Variants in ATP8B2 observed in about 807,000 individuals in gnomAD.
ATP8B2 encodes phospholipid-transporting ATPase ID.
In ATP8B2, 70 loss-of-function variants were observed where a neutral mutation model predicts 133.4. That is an observed-to-expected ratio of 0.52 (90% CI 0.43 to 0.64). ATP8B2 has a LOEUF of 0.64. Ranked by LOEUF, ATP8B2 falls within the 30% of genes least tolerant of loss-of-function variation. The probability of loss-of-function intolerance (pLI) is 0.00; values close to 1 mark genes in which losing one functional copy is unlikely to be tolerated. For missense variants in ATP8B2, 1,101 were observed against 1,535.7 expected (o/e 0.72, Z 4.73); for synonymous variants, 517 against 589.5 (o/e 0.88, Z 1.78).
Position 154,331,162 on chromosome 1 carries a change from T to G in ATP8B2, c.303+16T>G. On this transcript the variant is annotated intron_variant, in intron 5 of 27. Coordinates refer to ENST00000368489, the MANE Select transcript of ATP8B2 (RefSeq NM_001370597.1). The surrounding 1 kb of genome is among the most constrained non-coding windows in gnomAD (Gnocchi z 4.8). ...TGATGACTATGTGAGTGGTTTTCAT[T>G]CTTCTATTTTGTCCCAGTCACCCAC... 1 of 1,608,300 alleles carries G rather than the reference T, an allele frequency of 6.2e-7. No individual in the cohort carries two copies. The highest frequency in any genetic ancestry group is 8.5e-7 in the Non-Finnish European group (1 of 1,175,042).
chr1:154,328,165 C>T lies in ATP8B2; in HGVS notation c.24C>T (p.Arg8=). 2 of 1,613,678 alleles carry T rather than the reference C, an allele frequency of 1.2e-6. No homozygotes were observed. Among genetic ancestry groups the T allele is most frequent in the Non-Finnish European group, 1.7e-6 (2 of 1,179,748 alleles). The change falls in exon 2 of 28, where the codon CGC becomes CGT. Residue 8 remains arginine (R), a synonymous_variant. Coordinates refer to ENST00000368489, the MANE Select transcript of ATP8B2 (RefSeq NM_001370597.1). The surrounding 1 kb of genome is among the most constrained non-coding windows in gnomAD (Gnocchi z 4.6). ...AGATGGCAGTGTGTGCAAAAAAGCG[C>T]CCCCCAGGTAAGACAGGCAAGGAGG... is the stretch of plus-strand genomic sequence containing the variant. MAVCAKK[R]PPEEERRARA...
rs776026794 is a variant in ATP8B2, at chr1:154,343,408, C to T, written c.1643-45C>T. On this transcript the variant is annotated intron_variant, in intron 16 of 27. Transcript: ENST00000368489. The surrounding 1 kb of genome is among the most constrained non-coding windows in gnomAD (Gnocchi z 5.8). ...ATGTGTTTATGTTGGGGGTCTTTGC[C>T]TGTCTGAATTTTTCTGGCACTTTCT... 1 of 1,608,480 alleles carries T rather than the reference C, an allele frequency of 6.2e-7. No individual in the cohort carries two copies. The highest frequency in any genetic ancestry group is 1.1e-5 in the South Asian group (1 of 90,884).
intron 2 of ATP8B2, chr1:154,329,211 TC>T: frequency 1.2e-6 from 1 of 838,616 alleles, no homozygotes; most frequent in Non-Finnish European, 1.6e-6. Context: ...CTCCGAAGGA[TC>T]CAGTCCCTAC....
At position 154,340,963 on chromosome 1, in the gene ATP8B2, G is replaced by T; in HGVS notation, c.1144G>T (p.Glu382Ter). The T allele has an allele frequency of 6.2e-7, 1 of 1,614,196 alleles. No individual in the cohort carries two copies. The highest frequency in any genetic ancestry group is 1.1e-5 in the South Asian group (1 of 91,078). Residue 382 changes from glutamate (E) to a stop codon, truncating the protein, a stop_gained, in exon 13 of 28, where the codon GAG (glutamate) becomes TAG (stop). Transcript: ENST00000368489. LOFTEE classifies it high-confidence loss of function. This position sits in a 1 kb window ranked among gnomAD's most constrained non-coding sequence, Gnocchi z 4.0. ...AGCCCGCACCACCACCCTAAACGAG[G>T]AGCTGGGCCAGGTGGAGTACATCTT... is the stretch of plus-strand genomic sequence containing the variant. ...AEARTTTLNE[E>*]LGQVEYIFSD...
chr1:154,333,052 G>A (rs1427692527), intron 9 of ATP8B2, among the ~76,000 whole-genome samples: 2 of 152,134 alleles, frequency 1.3e-5, no homozygotes, highest in East Asian at 1.9e-4. Flanking sequence ...GCTCACGCCT[G>A]TAATCCCAGC....
At chr1:154,327,727 G>A in intron 1 of ATP8B2, 2 of 1,486,430 alleles carry the variant, frequency 1.3e-6, no homozygotes, top group Non-Finnish European at 9.4e-7. Flanking sequence ...ACCCTTTGGG[G>A]AAACTGCTTT....
chr1:154,345,372 T>C lies in ATP8B2; in HGVS notation c.2521T>C (p.Leu841=). ...TGGGCAGGAAGGGATCCAGGCTGTC[T>C]TGGCCTCCGATTACTCCTTCTCCCA... ...ISGQEGIQAV[L]ASDYSFSQFK... Residue 841 remains leucine (L), a synonymous_variant, in exon 23 of 28, where the codon TTG becomes CTG. Coordinates refer to ENST00000368489, the MANE Select transcript of ATP8B2 (RefSeq NM_001370597.1). The surrounding 1 kb of genome is among the most constrained non-coding windows in gnomAD (Gnocchi z 5.6). 1.9e-6 allele frequency: 3 copies of C among 1,614,224 alleles called. No homozygotes were observed. The highest frequency in any genetic ancestry group is 1.7e-6 in the Non-Finnish European group (2 of 1,180,034).
chr1:154,328,411 A>T lies in ATP8B2; in HGVS notation c.31+239A>T, dbSNP rs1685862439. 6.6e-6 allele frequency among the ~76,000 whole-genome samples: 1 copy of T among 152,164 alleles called. No individual in the cohort carries two copies. Among genetic ancestry groups the T allele is most frequent in the Non-Finnish European group, 1.5e-5 (1 of 68,026 alleles). ...CACGCCCCGAAACACCTGCAGTCTTATCTTCGGGCACCTGCAGCTCCTGCT... is the reference window on the plus strand; with the variant it reads ...CACGCCCCGAAACACCTGCAGTCTTTTCTTCGGGCACCTGCAGCTCCTGCT... On this transcript the variant is annotated intron_variant, in intron 2 of 27. Transcript: ENST00000368489. This position sits in a 1 kb window ranked among gnomAD's most constrained non-coding sequence, Gnocchi z 4.6.
rs1362681098 is a variant in ATP8B2, at chr1:154,348,941, C to G, written c.3396C>G (p.Ser1132=). 1 of 1,614,138 alleles carries G rather than the reference C, an allele frequency of 6.2e-7. No individual in the cohort carries two copies. The highest frequency in any genetic ancestry group is 1.3e-5 in the African/African-American group (1 of 74,952). The part of the protein sequence containing the change: ...TGSRRSGYAF[S]HQEGFGELIM... The stretch of plus-strand genomic sequence containing the variant: ...CCCGGCGCTCCGGCTATGCCTTCTC[C>G]CATCAGGAGGGCTTCGGGGAGCTCA... Residue 1132 remains serine (S), a synonymous_variant, in exon 28 of 28, where the codon TCC becomes TCG. Transcript: ENST00000368489.
At position 154,344,019 on chromosome 1, in the gene ATP8B2, C is replaced by T; in HGVS notation, c.1885C>T (p.Leu629=). Residue 629 remains leucine (L), a synonymous_variant, in exon 18 of 28, where the codon CTG becomes TTG. Coordinates refer to ENST00000368489, the MANE Select transcript of ATP8B2 (RefSeq NM_001370597.1). This position sits in a 1 kb window ranked among gnomAD's most constrained non-coding sequence, Gnocchi z 4.1. ...SLAQDSREDR[L]ASIYEEVENN... ...GGCCCAGGACAGCCGGGAGGACAGG[C>T]TGGCTAGCATCTATGAGGAGGTTGA... The T allele has an allele frequency of 6.2e-7, 1 of 1,614,074 alleles. No individual in the cohort carries two copies. Among genetic ancestry groups the T allele is most frequent in the East Asian group, 2.2e-5 (1 of 44,882 alleles).
chr1:154,331,897 A>G lies in ATP8B2; in HGVS notation c.439-57A>G. ...GCTTAGTGGAAGGAGCCACCATTACAGCCCACTGGGGGTGGAGGTTTGCAT... is the reference window on the plus strand; with the variant it reads ...GCTTAGTGGAAGGAGCCACCATTACGGCCCACTGGGGGTGGAGGTTTGCAT... On this transcript the variant is annotated intron_variant, in intron 7 of 27. Transcript: ENST00000368489. The surrounding 1 kb of genome is among the most constrained non-coding windows in gnomAD (Gnocchi z 4.8). The G allele has an allele frequency of 6.5e-7, 1 of 1,535,954 alleles. No individual in the cohort carries two copies. The highest frequency in any genetic ancestry group is 9.0e-7 in the Non-Finnish European group (1 of 1,109,334).
Position 154,332,598 on chromosome 1 carries a change from C to CA in ATP8B2, c.510-19dup, listed in dbSNP as rs756174163. On this transcript the variant is annotated intron_variant, in intron 8 of 27. Coordinates refer to ENST00000368489, the MANE Select transcript of ATP8B2 (RefSeq NM_001370597.1). ...AGAGGATGAGGAGGGAGCGGGGACT[C>CA]AGAGATACTGTCCTTCCAGCGAGAC... The CA allele has an allele frequency of 2.6e-6, 4 of 1,565,800 alleles. No individual in the cohort carries two copies. Among genetic ancestry groups the CA allele is most frequent in the Non-Finnish European group, 3.5e-6 (4 of 1,151,218 alleles).
intron 12 of ATP8B2, among the ~76,000 whole-genome samples, chr1:154,338,383 T>C (rs973134837): frequency 6.6e-6 from 1 of 152,188 alleles, no homozygotes; most frequent in Non-Finnish European, 1.5e-5. Context: ...TTGAAAAGAC[T>C]GGGCACGGTG....
At chr1:154,330,959 T>C (rs1685968664) in intron 4 of ATP8B2, 31 bp downstream of exon 4, 1 of 1,604,506 alleles carries the variant, frequency 6.2e-7, no homozygotes, top group Non-Finnish European at 8.5e-7. Context: ...TTTTTGCAGC[T>C]CCCCAAACTG....
At position 154,328,308 on chromosome 1, in the gene ATP8B2, G is replaced by C. The variant is rs1463886072; in HGVS notation, c.31+136G>C. The C allele has an allele frequency of 1.1e-6, 1 of 945,474 alleles. No homozygotes were observed. Among genetic ancestry groups the C allele is most frequent in the Non-Finnish European group, 1.7e-6 (1 of 596,642 alleles). 58.6% of individuals were successfully genotyped at this position (945,474 alleles called of 1,614,324 possible). A position where few individuals can be genotyped will look rare whatever the true frequency, so the allele number is the denominator to read the frequency against. Reference sequence around the variant, plus strand: ...TTACAGCAGCCCCTACCCAGCTTGGGGGCAGCCTAGGAAACCGAATTCTTC... The same window carrying C: ...TTACAGCAGCCCCTACCCAGCTTGGCGGCAGCCTAGGAAACCGAATTCTTC... On this transcript the variant is annotated intron_variant, in intron 2 of 27. Transcript: ENST00000368489. The surrounding 1 kb of genome is among the most constrained non-coding windows in gnomAD (Gnocchi z 4.6).
chr1:154,331,791 T>A lies in ATP8B2; in HGVS notation c.438+113T>A. On this transcript the variant is annotated intron_variant, in intron 7 of 27. Coordinates refer to ENST00000368489, the MANE Select transcript of ATP8B2 (RefSeq NM_001370597.1). The surrounding 1 kb of genome is among the most constrained non-coding windows in gnomAD (Gnocchi z 4.8). The stretch of plus-strand genomic sequence containing the variant: ...CTTAAACACCCGTGGCAGGAATCTT[T>A]CTCACACCAGGGGCTTCTGTGTCAT... 7.4e-7 allele frequency: 1 copy of A among 1,351,432 alleles called. No individual in the cohort carries two copies. The highest frequency in any genetic ancestry group is 1.1e-6 in the Non-Finnish European group (1 of 944,562). 83.7% of individuals were successfully genotyped at this position (1,351,432 alleles called of 1,614,324 possible). A position where few individuals can be genotyped will look rare whatever the true frequency, so the allele number is the denominator to read the frequency against.
Position 154,345,965 on chromosome 1 carries a change from T to A in ATP8B2, c.2778+82T>A. The A allele has an allele frequency of 2.9e-6, 4 of 1,356,746 alleles. No individual in the cohort carries two copies. The highest frequency in any genetic ancestry group is 4.2e-6 in the Non-Finnish European group (4 of 955,926). The allele number at this position is 1,356,746 out of a possible 1,614,324, so 84.0% of individuals were successfully genotyped here. Reference sequence around the variant, plus strand: ...TCACATAGACGTGGTGTGTGACACTTGTGCCCATTTCCTGTGGCCACTGGG... The same window carrying A: ...TCACATAGACGTGGTGTGTGACACTAGTGCCCATTTCCTGTGGCCACTGGG... On this transcript the variant is annotated intron_variant, in intron 24 of 27. Coordinates refer to ENST00000368489, the MANE Select transcript of ATP8B2 (RefSeq NM_001370597.1). This position sits in a 1 kb window ranked among gnomAD's most constrained non-coding sequence, Gnocchi z 5.6.
At chr1:154,327,773 C>T in intron 1 of ATP8B2, 1 of 1,606,270 alleles carries the variant, frequency 6.2e-7, no homozygotes, top group Non-Finnish European at 8.5e-7. Flanking sequence ...GCCGCCAGAA[C>T]ACATGAGAGC....
At chr1:154,332,262 G>T (rs1157554708) in intron 8 of ATP8B2, among the ~76,000 whole-genome samples, 2 of 152,204 alleles carry the variant, frequency 1.3e-5, no homozygotes, top group Admixed American at 6.5e-5. Context: ...GGTGGGCATG[G>T]TGACTCACTC....
Sources: gnomAD v4.1 joint callset for allele counts (sites outside exome capture counted in the v4.1 genomes callset) on GRCh38, gnomAD v4.1.1 for gene constraint, Gnocchi (gnomAD v3.1) non-coding constraint, MANE v1.5 for transcripts, NCBI Gene and HGNC (gene_info 2026-07-23, HGNC 2026-07-21) for gene names.